KMT2A: variants seen among roughly 807,000 people sequenced by gnomAD.
KMT2A encodes histone-lysine N-methyltransferase 2A.
KMT2A carries 16 observed loss-of-function variants against 345.3 expected under a neutral mutation model. The ratio of observed to expected loss-of-function variants is 0.05; its 90% CI spans 0.03 to 0.07. The LOEUF (loss-of-function observed/expected upper bound fraction) is 0.07, where lower values mean the gene tolerates loss of function less well. Among genes scored for constraint, KMT2A ranks in the 10% least tolerant of loss-of-function variants. The pLI is 1.00. For synonymous variants in KMT2A, 1,599 were observed against 1,778.6 expected (o/e 0.90, Z 2.54); for missense variants, 3,272 against 4,841.6 (o/e 0.68, Z 9.62).
Position 118,490,962 on chromosome 11 carries a change from A to C in KMT2A, c.4697-234A>C, listed in dbSNP as rs1448164063. Among the ~76,000 whole-genome samples the C allele has an allele frequency of 1.3e-5, 2 of 152,222 alleles. No individual in the cohort carries two copies. The highest frequency in any genetic ancestry group is 4.8e-5 in the African/African-American group (2 of 41,460). On this transcript the variant is annotated intron_variant, in intron 13 of 35. Coordinates refer to ENST00000534358, the MANE Select transcript of KMT2A (RefSeq NM_001197104.2). The surrounding 1 kb of genome is among the most constrained non-coding windows in gnomAD (Gnocchi z 4.2). ...ATCTACCTCATGACCTTTATAAATG[A>C]AAACTAGTAAACTAAAGAAAACTAG...
At chr11:118,437,001 C>CGAGG in intron 1 of KMT2A, 57 bp downstream of exon 1, 1 of 1,366,712 alleles carries the variant, frequency 7.3e-7, no homozygotes, top group African/African-American at 1.5e-5. Flanking sequence ...GAGCCCCCTC[C>CGAGG]CCTCCCCCAT....
Position 118,482,076 on chromosome 11 carries a change from T to G in KMT2A, c.3996T>G (p.Pro1332=). The part of the protein sequence containing the change: ...TTPSEPKKKQ[P]PPPESGPEQS... ...CTAGTGAGCCCAAGAAAAAGCAGCC[T>G]CCACCACCAGAATCAGGTGAGTGAG... Residue 1332 remains proline (P), a synonymous_variant, in exon 7 of 36, where the codon CCT becomes CCG. Coordinates refer to ENST00000534358, the MANE Select transcript of KMT2A (RefSeq NM_001197104.2). 1 of 1,607,644 alleles carries G rather than the reference T, an allele frequency of 6.2e-7. No individual in the cohort carries two copies. The highest frequency in any genetic ancestry group is 8.5e-7 in the Non-Finnish European group (1 of 1,177,792).
chr11:118,500,935 T>C (rs1471862261), intron 24 of KMT2A, 52 bp from the exon 25 acceptor site: 10 of 1,461,976 alleles, frequency 6.8e-6, no homozygotes, highest in Non-Finnish European at 6.6e-6. Flanking sequence ...AAATGCTAGT[T>C]TCTGCTTCTA....
chr11:118,437,072 G>A, intron 1 of KMT2A, 128 bp downstream of exon 1: 1 of 1,149,350 alleles, frequency 8.7e-7, no homozygotes, highest in Non-Finnish European at 1.1e-6. Flanking sequence ...CGGGGCGAAT[G>A]GCTCTCCCAT....
intron 1 of KMT2A, among the ~76,000 whole-genome samples, chr11:118,463,868 T>G (rs146952018): frequency 1.3e-5 from 2 of 152,348 alleles, no homozygotes; most frequent in Admixed American, 6.5e-5. Context: ...CTGAACAGGA[T>G]GTAGTTTGAG....
rs999060359 is a variant in KMT2A at position 118,494,396 on chromosome 11, C to T, written c.5287C>T (p.Arg1763Trp). 9.3e-6 allele frequency: 14 copies of T among 1,507,862 alleles called. No individual in the cohort carries two copies. The highest frequency in any genetic ancestry group is 1.2e-5 in the Non-Finnish European group (13 of 1,083,840). 93.4% of individuals were successfully genotyped at this position (1,507,862 alleles called of 1,614,324 possible). Residue 1763 changes from arginine to tryptophan, a missense_variant and splice_region_variant, in exon 17 of 36, where the codon CGG becomes TGG. Around this residue, in one of 27 missense-constraint regions of KMT2A, gnomAD observed 235 missense variants for 503.4 expected, o/e 0.47. Coordinates refer to ENST00000534358, the MANE Select transcript of KMT2A (RefSeq NM_001197104.2). This position sits in a 1 kb window ranked among gnomAD's most constrained non-coding sequence, Gnocchi z 5.8. The stretch of plus-strand genomic sequence containing the variant: ...CAGCATGGTCAAGTCCTTCTTCATT[C>T]GGGTGAATGATATTACTAATTCATG... ...ANSMVKSFFI[R>W]QMERVFPWFS... is the part of the protein sequence containing the mutation.
At chr11:118,517,924 G>C (rs1380976849) in intron 31 of KMT2A, among the ~76,000 whole-genome samples, 1 of 152,050 alleles carries the variant, frequency 6.6e-6, no homozygotes, top group Non-Finnish European at 1.5e-5. Flanking sequence ...TCACTCTGTT[G>C]CCCAAGCTGG....
intron 1 of KMT2A, among the ~76,000 whole-genome samples, chr11:118,457,003 C>T (rs1416634336): frequency 6.6e-6 from 1 of 152,134 alleles, no homozygotes; most frequent in East Asian, 1.9e-4. Flanking sequence ...TCCATTTTGC[C>T]TCCTAATGTC....
intron 1 of KMT2A, chr11:118,447,691 T>TA (rs782158314): frequency 2.7e-5 from 12 of 451,164 alleles, no homozygotes; most frequent in Non-Finnish European, 4.4e-5. Flanking sequence ...AAGATGATTA[T>TA]ATGATTGGAA....
At position 118,474,218 on chromosome 11, in the gene KMT2A, A is replaced by T. The variant is rs781822906; in HGVS notation, c.3059A>T (p.Asp1020Val). 6.2e-7 allele frequency: 1 copy of T among 1,614,184 alleles called. No homozygotes were observed. Among genetic ancestry groups the T allele is most frequent in the Admixed American group, 1.7e-5 (1 of 60,024 alleles). Residue 1020 changes from aspartate to valine, a missense_variant, in exon 3 of 36, where the codon GAC becomes GTC. Physicochemically the swap from Asp to Val is radical, Grantham distance 152. Coordinates refer to ENST00000534358, the MANE Select transcript of KMT2A (RefSeq NM_001197104.2). ...CAGGCAGACAAGCTTCCAATGACTG[A>T]CAAGAGGGTTGCCAGCCTCCTAAAA... ...LAQADKLPMTDKRVASLLKKA... is the reference protein window; with the variant it reads ...LAQADKLPMTVKRVASLLKKA...
Position 118,503,905 on chromosome 11 carries a change from C to T in KMT2A, c.8013C>T (p.Ala2671=), listed in dbSNP as rs782033811. ...KRSAEGQVDG[A]DDLSTSDEDD... is the part of the protein sequence containing the mutation. Reference sequence around the variant, plus strand: ...CAGCTGAAGGACAGGTGGATGGGGCCGATGACTTAAGCACTTCAGATGAAG... The same window carrying T: ...CAGCTGAAGGACAGGTGGATGGGGCTGATGACTTAAGCACTTCAGATGAAG... The change falls in exon 27 of 36, where the codon GCC becomes GCT. Residue 2671 remains alanine, a synonymous_variant. Coordinates refer to ENST00000534358, the MANE Select transcript of KMT2A (RefSeq NM_001197104.2). This position sits in a 1 kb window ranked among gnomAD's most constrained non-coding sequence, Gnocchi z 5.3. 14 of 1,614,024 alleles carry T rather than the reference C, an allele frequency of 8.7e-6. No homozygotes were observed. Among genetic ancestry groups the T allele is most frequent in the African/African-American group, 1.3e-5 (1 of 74,910 alleles).
Position 118,502,467 on chromosome 11 carries a change from G to A in KMT2A, c.6575G>A (p.Ser2192Asn), listed in dbSNP as rs1555046014. ...GDPLLSSGLRSIGSRRHSTSS... is the reference protein window; with the variant it reads ...GDPLLSSGLRNIGSRRHSTSS... ...CCTTTACTCTCCTCTGGACTTCGAAGCATTGGCTCCAGGCGTCACAGTACC... is the reference window on the plus strand; with the variant it reads ...CCTTTACTCTCCTCTGGACTTCGAAACATTGGCTCCAGGCGTCACAGTACC... Residue 2192 changes from serine (S) to asparagine (N), a missense_variant, in exon 27 of 36, where the codon AGC becomes AAC. Around this residue, in one of 27 missense-constraint regions of KMT2A, gnomAD observed 445 missense variants for 500.9 expected, o/e 0.89. Transcript: ENST00000534358. This position sits in a 1 kb window ranked among gnomAD's most constrained non-coding sequence, Gnocchi z 4.9. 1 of 1,613,976 alleles carries A rather than the reference G, an allele frequency of 6.2e-7. No homozygotes were observed. The highest frequency in any genetic ancestry group is 8.5e-7 in the Non-Finnish European group (1 of 1,179,958).
chr11:118,464,004 A>G (rs544026901), intron 1 of KMT2A, among the ~76,000 whole-genome samples: 2 of 152,338 alleles, frequency 1.3e-5, no homozygotes, highest in East Asian at 1.9e-4. Flanking sequence ...TGGTGAAATC[A>G]TTGATGCTTT....
At chr11:118,450,301 G>C (rs1219081011) in intron 1 of KMT2A, 1 of 151,874 alleles carries the variant, frequency 6.6e-6, no homozygotes, top group African/African-American at 2.4e-5. Flanking sequence ...CATTCATTTT[G>C]CTGTTTTTTG....
At chr11:118,467,291 C>T (rs1052060101) in intron 1 of KMT2A, among the ~76,000 whole-genome samples, 5 of 151,670 alleles carry the variant, frequency 3.3e-5, no homozygotes, top group Non-Finnish European at 5.9e-5. Context: ...GCAAGAGAAT[C>T]GCTTGAACCC....
chr11:118,463,104 T>C (rs1414306013), intron 1 of KMT2A, among the ~76,000 whole-genome samples: 3 of 152,110 alleles, frequency 2.0e-5, no homozygotes, highest in African/African-American at 7.2e-5. Context: ...TAACAGTGTG[T>C]ATCTCTTACA....
intron 1 of KMT2A, chr11:118,448,548 G>A (rs1275070683): frequency 6.6e-6 from 1 of 152,020 alleles, no homozygotes; most frequent in East Asian, 1.9e-4. Context: ...CAAAAGTCTG[G>A]GCAGAGCTGA....
At chr11:118,499,479 TCCTCAGTTATAAAATGAC>T (rs1195606457) in intron 23 of KMT2A, 59 bp downstream of exon 23, 8 of 1,113,702 alleles carry the variant, frequency 7.2e-6, no homozygotes, top group Non-Finnish European at 8.3e-6. Context: ...AAATTTCTGG[TCCTCAGTTATAAAATGAC>T]CCTCAGCCAG....
chr11:118,456,808 A>T (rs1344661213), intron 1 of KMT2A, among the ~76,000 whole-genome samples: 1 of 152,138 alleles, frequency 6.6e-6, no homozygotes, highest in Admixed American at 6.5e-5. Context: ...CCTTTAGACA[A>T]CGTGGATAAA....
Sources: allele counts gnomAD v4.1 joint callset (sites outside exome capture counted in the v4.1 genomes callset), GRCh38; gene constraint gnomAD v4.1.1; regional missense constraint gnomAD v4.1.1; non-coding constraint Gnocchi (gnomAD v3.1); transcripts MANE v1.5; gene names NCBI Gene and HGNC (gene_info 2026-07-23, HGNC 2026-07-21).